The following SPATA18 variants were observed in gnomAD, a reference collection of about 807,000 sequenced individuals.
The protein encoded by SPATA18 is spermatogenesis associated 18.
A neutral mutation model predicts 68.1 loss-of-function variants in SPATA18; 54 were observed. The ratio of observed to expected loss-of-function variants is 0.79; its 90% CI spans 0.64 to 0.99. The LOEUF is 0.99. Ranked by LOEUF, SPATA18 falls within the 50% of genes least tolerant of loss-of-function variation. SPATA18 has a pLI of 0.00. For synonymous variants in SPATA18, 242 were observed against 244.8 expected (o/e 0.99, Z 0.11); for missense variants, 724 against 681.1 (o/e 1.06, Z -0.70).
At chr4:52,086,234 G>T (rs993847643) in intron 11 of SPATA18, among the ~76,000 whole-genome samples, 4 of 152,104 alleles carry the variant, frequency 2.6e-5, no homozygotes, top group Non-Finnish European at 5.9e-5. Flanking sequence ...AAAAACCCCT[G>T]CAGTTGATGA....
At chr4:52,057,355 A>G (rs1738441392) in intron 1 of SPATA18, among the ~76,000 whole-genome samples, 1 of 152,124 alleles carries the variant, frequency 6.6e-6, no homozygotes, top group Admixed American at 6.5e-5. Flanking sequence ...GTATGTGTTT[A>G]CTAGAATAAT....
chr4:52,094,931 G>T lies in SPATA18; in HGVS notation c.*44G>T, dbSNP rs775123849. On this transcript the variant is annotated 3_prime_UTR_variant, in exon 13 of 13. Coordinates refer to ENST00000295213, the MANE Select transcript of SPATA18 (RefSeq NM_145263.4). Reference sequence around the variant, plus strand: ...TTTGACCCAGTGCGTGGAAACAGCTGCTTTCTCCAGTGCCGCCATCTGTCT... The same window carrying T: ...TTTGACCCAGTGCGTGGAAACAGCTTCTTTCTCCAGTGCCGCCATCTGTCT... 1.3e-5 allele frequency: 21 copies of T among 1,612,970 alleles called. No individual in the cohort carries two copies. The highest frequency in any genetic ancestry group is 1.7e-5 in the Non-Finnish European group (20 of 1,179,124).
chr4:52,091,002 T>G (rs1013956315), intron 11 of SPATA18, among the ~76,000 whole-genome samples: 12 of 152,006 alleles, frequency 7.9e-5, no homozygotes, highest in Non-Finnish European at 1.6e-4. Context: ...TTATTCTTTT[T>G]TCTCTAATCT....
In SPATA18 at chr4:52,056,543, T is replaced by G. The variant is rs373092498; in HGVS notation, c.88-3876T>G. ...CACTACTGGACATTCCATCCGAAGG[T>G]CCTGCAGGCCCCCTGACTTGTTCAA... On this transcript the variant is annotated intron_variant, in intron 1 of 12. Transcript: ENST00000295213. Among the ~76,000 whole-genome samples, 3 of 132,910 alleles carry G rather than the reference T, an allele frequency of 2.3e-5. No homozygotes were observed. In the East Asian group the frequency reaches 6.3e-4, roughly 28 times the overall value. The allele number at this position is 132,910 out of a possible 152,430, so 87.2% of individuals were successfully genotyped here. A position where few individuals can be genotyped will look rare whatever the true frequency, so the allele number is the denominator to read the frequency against.
At chr4:52,083,052 A>G in intron 10 of SPATA18, 1 of 984,048 alleles carries the variant, frequency 1.0e-6, no homozygotes, top group Non-Finnish European at 1.2e-6. Context: ...TGGTTATAGA[A>G]TGTTTTGAAC....
chr4:52,085,465 GT>G (rs902750425), intron 11 of SPATA18, among the ~76,000 whole-genome samples: 1 of 151,990 alleles, frequency 6.6e-6, no homozygotes, highest in African/African-American at 2.4e-5. Context: ...AAAAAATAAG[GT>G]TTTTTTGTGT....
At chr4:52,065,921 A>G (rs555660303) in intron 4 of SPATA18, among the ~76,000 whole-genome samples, 1 of 152,218 alleles carries the variant, frequency 6.6e-6, no homozygotes, top group African/African-American at 2.4e-5. Flanking sequence ...CTCCTCTCCT[A>G]TATCCAATCT....
chr4:52,053,911 A>G (rs1354440967), intron 1 of SPATA18, among the ~76,000 whole-genome samples: 1 of 152,230 alleles, frequency 6.6e-6, no homozygotes, highest in African/African-American at 2.4e-5. Flanking sequence ...TTCCTATTTC[A>G]GTCAGAAGAA....
chr4:52,070,677 A>G (rs1231939538), intron 5 of SPATA18, among the ~76,000 whole-genome samples: 1 of 152,192 alleles, frequency 6.6e-6, no homozygotes, highest in East Asian at 1.9e-4. Flanking sequence ...TAAAACTTAA[A>G]GTATAATAAT....
chr4:52,064,958 T>C (rs926537884), intron 4 of SPATA18, among the ~76,000 whole-genome samples: 1 of 152,236 alleles, frequency 6.6e-6, no homozygotes, highest in African/African-American at 2.4e-5. Context: ...TTTTTAGTTA[T>C]GACAATTCTT....
intron 1 of SPATA18, among the ~76,000 whole-genome samples, chr4:52,054,774 C>T (rs1019647069): frequency 2.6e-5 from 4 of 151,178 alleles, no homozygotes; most frequent in Non-Finnish European, 5.9e-5. Flanking sequence ...GACTGTGGAA[C>T]GGGAGGGGAT....
Position 52,084,896 on chromosome 4 carries a change from CTT to C in SPATA18, c.1480-18_1480-17del. On this transcript the variant is annotated intron_variant, in intron 10 of 12. Coordinates refer to ENST00000295213, the MANE Select transcript of SPATA18 (RefSeq NM_145263.4). ...CACAAACTCCTGACTATGTCTCTCT[CTT>C]TCTCTCTCTTTTTTAAGTGGAATTC... 1.2e-6 allele frequency: 2 copies of C among 1,612,986 alleles called. No homozygotes were observed. The highest frequency in any genetic ancestry group is 1.7e-6 in the Non-Finnish European group (2 of 1,179,156).
chr4:52,073,974 G>A (rs537370084), intron 6 of SPATA18, among the ~76,000 whole-genome samples: 7 of 152,264 alleles, frequency 4.6e-5, no homozygotes, highest in East Asian at 1.9e-4. Context: ...TTCTAGCAAC[G>A]ATAGACTTGC....
At chr4:52,065,502 T>C (rs997770549) in intron 4 of SPATA18, among the ~76,000 whole-genome samples, 4 of 152,362 alleles carry the variant, frequency 2.6e-5, no homozygotes, top group African/African-American at 9.6e-5. Flanking sequence ...TTCATCCTTC[T>C]ACATGTGGTT....
chr4:52,080,635 G>A (rs1391036704), intron 9 of SPATA18, among the ~76,000 whole-genome samples: 1 of 152,132 alleles, frequency 6.6e-6, no homozygotes, highest in African/African-American at 2.4e-5. Flanking sequence ...AGCTGCTTAG[G>A]TTCAAATTTC....
chr4:52,094,950 T>C lies in SPATA18; in HGVS notation c.*63T>C. 6.3e-7 allele frequency: 1 copy of C among 1,596,856 alleles called. No homozygotes were observed. Among genetic ancestry groups the C allele is most frequent in the Non-Finnish European group, 8.6e-7 (1 of 1,164,368 alleles). On this transcript the variant is annotated 3_prime_UTR_variant, in exon 13 of 13. Transcript: ENST00000295213. ...ACAGCTGCTTTCTCCAGTGCCGCCATCTGTCTTCTGTGTCTGCCTCAGACC... is the reference window on the plus strand; with the variant it reads ...ACAGCTGCTTTCTCCAGTGCCGCCACCTGTCTTCTGTGTCTGCCTCAGACC...
intron 1 of SPATA18, among the ~76,000 whole-genome samples, chr4:52,058,896 G>A (rs1439840949): frequency 3.9e-5 from 6 of 152,128 alleles, no homozygotes; most frequent in Admixed American, 6.5e-5. Flanking sequence ...ATCTGAAATG[G>A]GAATGATAAT....
chr4:52,052,140 T>C (rs1315507954), intron 1 of SPATA18, among the ~76,000 whole-genome samples: 2 of 152,206 alleles, frequency 1.3e-5, no homozygotes, highest in East Asian at 1.9e-4. Context: ...CCTGCCACTC[T>C]TTCCCATCCC....
At chr4:52,086,346 G>A (rs1276362220) in intron 11 of SPATA18, among the ~76,000 whole-genome samples, 1 of 152,126 alleles carries the variant, frequency 6.6e-6, no homozygotes, top group Non-Finnish European at 1.5e-5. Flanking sequence ...TGCCCTGGTG[G>A]TTTGATGCAC....
Sources: allele counts gnomAD v4.1 joint callset (sites outside exome capture counted in the v4.1 genomes callset), GRCh38; gene constraint gnomAD v4.1.1; transcripts MANE v1.5; gene names NCBI Gene and HGNC (gene_info 2026-07-23, HGNC 2026-07-21).